The following PCDHA9 variants were observed in gnomAD, a reference collection of about 807,000 sequenced individuals.
The protein encoded by PCDHA9 is protocadherin alpha 9.
In PCDHA9, 62 loss-of-function variants were observed where a neutral mutation model predicts 62.0. The ratio of observed to expected loss-of-function variants is 1.00; its 90% CI spans 0.81 to 1.23. PCDHA9 has a LOEUF of 1.23. Among genes scored for constraint, PCDHA9 ranks in the 50% most tolerant of loss-of-function variants. PCDHA9 has a pLI of 0.00. For synonymous variants in PCDHA9, 557 were observed against 567.6 expected (o/e 0.98, Z 0.27); for missense variants, 1,205 against 1,249.8 (o/e 0.96, Z 0.54).
At chr5:140,956,454 A>G (rs1276644004) in intron 1 of PCDHA9, among the ~76,000 whole-genome samples, 1 of 152,212 alleles carries the variant, frequency 6.6e-6, no homozygotes, top group African/African-American at 2.4e-5. Flanking sequence ...AATTACATTT[A>G]TTGATTTGCA....
intron 1 of PCDHA9, chr5:140,926,959 G>A: frequency 6.2e-7 from 1 of 1,604,022 alleles, no homozygotes; most frequent in Non-Finnish European, 8.5e-7. Context: ...GGGACAGCTC[G>A]AGTACTCAGT....
chr5:140,871,493 A>C lies in PCDHA9; in HGVS notation c.2394+20604A>C, dbSNP rs968230550. 1.9e-6 allele frequency: 3 copies of C among 1,588,916 alleles called. No individual in the cohort carries two copies. In the African/African-American group the frequency reaches 4.0e-5, roughly 21 times the overall value. On this transcript the variant is annotated intron_variant, in intron 1 of 3. Coordinates refer to ENST00000532602, the MANE Select transcript of PCDHA9 (RefSeq NM_031857.2). Reference sequence around the variant, plus strand: ...GAGCCAGGGTCAAATCACCCCGGACAGGTGAGTTTTCTACAGATTCCACCT... The same window carrying C: ...GAGCCAGGGTCAAATCACCCCGGACCGGTGAGTTTTCTACAGATTCCACCT...
chr5:141,000,419 A>T (rs1394449061), intron 3 of PCDHA9, among the ~76,000 whole-genome samples: 972 of 60,664 alleles, frequency 0.016, 14 homozygotes, highest in African/African-American at 0.023. Flanking sequence ...ATATATATAT[A>T]TATTTTTTTT....
At chr5:140,884,637 A>G in intron 1 of PCDHA9, 2 of 1,610,636 alleles carry the variant, frequency 1.2e-6, no homozygotes, top group Non-Finnish European at 1.7e-6. Flanking sequence ...GGCCAGAGGG[A>G]GGAGGACTCA....
At chr5:140,870,535 G>C (rs1279597936) in intron 1 of PCDHA9, 2 of 1,614,056 alleles carry the variant, frequency 1.2e-6, no homozygotes, top group Non-Finnish European at 8.5e-7. Context: ...CACAGTGTCG[G>C]CGCGGGACGC....
chr5:140,850,142 G>A lies in PCDHA9; in HGVS notation c.1647G>A (p.Val549=). 8.8e-6 allele frequency: 14 copies of A among 1,595,712 alleles called. 2 individuals are homozygous for A. Among genetic ancestry groups the A allele is most frequent in the Non-Finnish European group, 1.2e-5 (14 of 1,167,856 alleles). Residue 549 remains valine (V), a synonymous_variant, in exon 1 of 4, where the codon GTG becomes GTA. Transcript: ENST00000532602. The part of the protein sequence containing the change: ...DAGVPPLGSN[V]TLQVFVLDEN... ...GCGTGCCGCCTCTGGGCAGCAACGT[G>A]ACGCTGCAGGTGTTCGTGCTGGACG...
At chr5:140,984,784 A>G (rs1022121650) in intron 3 of PCDHA9, among the ~76,000 whole-genome samples, 4 of 152,168 alleles carry the variant, frequency 2.6e-5, no homozygotes, top group Non-Finnish European at 4.4e-5. Context: ...TTGCTGGGTG[A>G]GCATAGACAA....
chr5:140,969,863 C>G (rs1305470999), intron 1 of PCDHA9, among the ~76,000 whole-genome samples: 2 of 152,156 alleles, frequency 1.3e-5, no homozygotes, highest in Non-Finnish European at 2.9e-5. Context: ...CTGGTACTTG[C>G]ACTGAACCTA....
At chr5:140,885,685 A>G (rs2060694021) in intron 1 of PCDHA9, among the ~76,000 whole-genome samples, 1 of 152,198 alleles carries the variant, frequency 6.6e-6, no homozygotes, top group African/African-American at 2.4e-5. Flanking sequence ...TATCTCAAGA[A>G]GCAATAGTGG....
In PCDHA9 at chr5:140,925,899, G is replaced by T. The variant is rs149135478; in HGVS notation, c.2395-53050G>T. ...TATAACCTCCTCTTTCACCCAGATC[G>T]TCAAGGGCCGTTTGCAAAGCACTCC... is the stretch of plus-strand genomic sequence containing the variant. On this transcript the variant is annotated intron_variant, in intron 1 of 3. Transcript: ENST00000532602. Among the ~76,000 whole-genome samples, 277 of 151,958 alleles carry T rather than the reference G, an allele frequency of 1.8e-3. 3 individuals carry two copies. The highest frequency in any genetic ancestry group is 6.4e-3 in the African/African-American group (264 of 41,382).
rs553859456 is a variant in PCDHA9 at position 140,938,056 on chromosome 5, A to G, written c.2395-40893A>G. Among the ~76,000 whole-genome samples, 1,107 of 152,294 alleles carry G rather than the reference A, an allele frequency of 7.3e-3. 4 individuals carry two copies. Among genetic ancestry groups the G allele is most frequent in the Admixed American group, 0.012 (189 of 15,304 alleles). ...TTTATATTTTGGGTTTTCTACATATACTGTCATGCTATTCCCAAATAATGT... is the reference window on the plus strand; with the variant it reads ...TTTATATTTTGGGTTTTCTACATATGCTGTCATGCTATTCCCAAATAATGT... On this transcript the variant is annotated intron_variant, in intron 1 of 3. Coordinates refer to ENST00000532602, the MANE Select transcript of PCDHA9 (RefSeq NM_031857.2).
chr5:140,864,059 T>C (rs1371478916), intron 1 of PCDHA9: 1 of 152,732 alleles, frequency 6.5e-6, no homozygotes, highest in Non-Finnish European at 1.5e-5. Flanking sequence ...ACAGTCACCA[T>C]GAACATTCTT....
chr5:140,874,039 GTGA>G (rs1372721490), intron 1 of PCDHA9, among the ~76,000 whole-genome samples: 1 of 152,152 alleles, frequency 6.6e-6, no homozygotes, highest in African/African-American at 2.4e-5. Context: ...AAGAAACTTG[GTGA>G]TGATATTAGA....
At chr5:140,910,854 T>G (rs2075197535) in intron 1 of PCDHA9, among the ~76,000 whole-genome samples, 1 of 152,212 alleles carries the variant, frequency 6.6e-6, no homozygotes, top group East Asian at 1.9e-4. Flanking sequence ...GGATCTATGT[T>G]CCATCCACCA....
At chr5:140,947,627 A>C (rs1375142600) in intron 1 of PCDHA9, among the ~76,000 whole-genome samples, 1 of 151,696 alleles carries the variant, frequency 6.6e-6, no homozygotes, top group Non-Finnish European at 1.5e-5. Context: ...ATATTGAGTC[A>C]TCAGATCGTA....
In PCDHA9 at chr5:140,978,971, G is replaced by C. The variant is rs782774245; in HGVS notation, c.2417G>C (p.Trp806Ser). Residue 806 changes from tryptophan (W) to serine (S), a missense_variant, in exon 2 of 4, where the codon TGG (tryptophan) becomes TCG (serine). Trp to Ser is a radical substitution (Grantham distance 177). Transcript: ENST00000532602. ...CAGCCACGACAGCCCAACCCTGACT[G>C]GCGTTACTCTGCCTCCCTGAGAGCA... is the stretch of plus-strand genomic sequence containing the variant. ...TGKPRQPNPD[W>S]RYSASLRAGM... 6.2e-7 allele frequency: 1 copy of C among 1,614,170 alleles called. No homozygotes were observed. The highest frequency in any genetic ancestry group is 2.2e-5 in the East Asian group (1 of 44,882).
intron 1 of PCDHA9, among the ~76,000 whole-genome samples, chr5:140,878,794 T>G (rs2057730678): frequency 6.6e-6 from 1 of 152,218 alleles, no homozygotes; most frequent in African/African-American, 2.4e-5. Flanking sequence ...CAATCACTTT[T>G]TAAAAACATA....
At chr5:140,888,706 T>G (rs1554183604) in intron 1 of PCDHA9, among the ~76,000 whole-genome samples, 1 of 152,196 alleles carries the variant, frequency 6.6e-6, no homozygotes, top group African/African-American at 2.4e-5. Context: ...TTGGTAGGAA[T>G]GTGAAATATT....
chr5:140,915,626 G>GTCCC (rs1554196996), intron 1 of PCDHA9, among the ~76,000 whole-genome samples: 2 of 146,436 alleles, frequency 1.4e-5, no homozygotes, highest in Non-Finnish European at 3.0e-5. Flanking sequence ...GTCTCTTTCT[G>GTCCC]TCTCTCTCTC....
Sources: gnomAD v4.1 joint callset for allele counts (sites outside exome capture counted in the v4.1 genomes callset) on GRCh38, gnomAD v4.1.1 for gene constraint, MANE v1.5 for transcripts, NCBI Gene and HGNC (gene_info 2026-07-23, HGNC 2026-07-21) for gene names.